The following PEBP4 variants were observed in gnomAD, a reference collection of about 807,000 sequenced individuals.
The protein encoded by PEBP4 is phosphatidylethanolamine binding protein 4, also known as phosphatidylethanolamine-binding protein 4.
In PEBP4, 22 loss-of-function variants were observed where a neutral mutation model predicts 23.9. That is an observed-to-expected ratio of 0.92 (90% CI 0.66 to 1.31). PEBP4 has a LOEUF of 1.31. Ranked by LOEUF, PEBP4 falls within the 40% of genes most tolerant of loss-of-function variation. The probability of loss-of-function intolerance (pLI) is 0.00; values close to 1 mark genes in which losing one functional copy is unlikely to be tolerated. For synonymous variants in PEBP4, 112 were observed against 99.3 expected (o/e 1.13, Z -0.76); for missense variants, 324 against 281.7 (o/e 1.15, Z -1.07).
chr8:22,909,258 G>A (rs765794957), intron 3 of PEBP4, among the ~76,000 whole-genome samples: 11 of 152,164 alleles, frequency 7.2e-5, no homozygotes, highest in East Asian at 1.9e-4. Flanking sequence ...CACCTAAGAC[G>A]TGGGTCCAGG....
upstream of PEBP4, among the ~76,000 whole-genome samples, chr8:22,929,812 G>A (rs941377543): frequency 1.7e-4 from 26 of 152,268 alleles, no homozygotes; most frequent in African/African-American, 6.0e-4. Flanking sequence ...GGCTTCAAGG[G>A]ATTCTCCTGC....
intron 3 of PEBP4, among the ~76,000 whole-genome samples, chr8:22,823,976 C>T (rs1425801751): frequency 5.3e-5 from 8 of 152,050 alleles, no homozygotes; most frequent in Non-Finnish European, 8.8e-5. Context: ...ATGTTTATCT[C>T]GAGTTTTTAA....
At chr8:22,827,294 A>T (rs569916736) in intron 3 of PEBP4, among the ~76,000 whole-genome samples, 45 of 152,288 alleles carry the variant, frequency 3.0e-4, no homozygotes, top group Admixed American at 9.2e-4. Flanking sequence ...AATGATTTTT[A>T]AAAAAATGTA....
At chr8:22,916,130 A>G (rs7015258) in intron 3 of PEBP4, among the ~76,000 whole-genome samples, 84,478 of 152,016 alleles carry the variant, frequency 0.56, 23,971 homozygotes, top group African/African-American at 0.67. Context: ...CAGGGAGAGC[A>G]GGACAGACCG....
At chr8:22,898,431 A>AAAAC (rs1563253603) in intron 3 of PEBP4, among the ~76,000 whole-genome samples, 37 of 123,830 alleles carry the variant, frequency 3.0e-4, no homozygotes, top group African/African-American at 5.9e-4. Context: ...AAAAAAAAAA[A>AAAAC]CCCACCCAGT....
At chr8:22,755,550 G>T (rs1805362943) in intron 4 of PEBP4, among the ~76,000 whole-genome samples, 1 of 151,984 alleles carries the variant, frequency 6.6e-6, no homozygotes, top group African/African-American at 2.4e-5. Context: ...TGGCCAGTCT[G>T]GTCTCAAGCT....
In PEBP4 at chr8:22,775,847, G is replaced by A. The variant is rs1456046082; in HGVS notation, c.357+41790C>T. 6.6e-6 allele frequency among the ~76,000 whole-genome samples: 1 copy of A among 152,126 alleles called. No homozygotes were observed. Among genetic ancestry groups the A allele is most frequent in the Non-Finnish European group, 1.5e-5 (1 of 68,006 alleles). ...AATCTCTGAGTGGGCAGGAAGGATT[G>A]CCCGACTCCTTGGCTCTTGGGGGGG... is the stretch of plus-strand genomic sequence containing the variant. On this transcript the variant is annotated intron_variant, in intron 4 of 6. Transcript: ENST00000256404. This position sits in a 1 kb window ranked among gnomAD's most constrained non-coding sequence, Gnocchi z 4.8.
intron 3 of PEBP4, among the ~76,000 whole-genome samples, chr8:22,840,494 G>A (rs78377985): frequency 2.0e-5 from 3 of 150,254 alleles, no homozygotes; most frequent in Non-Finnish European, 4.4e-5. Flanking sequence ...TTCCTGCCTC[G>A]ACCTCCCAGT....
intron 3 of PEBP4, among the ~76,000 whole-genome samples, chr8:22,823,240 A>G (rs957187336): frequency 3.9e-5 from 6 of 151,978 alleles, no homozygotes; most frequent in Admixed American, 3.9e-4. Flanking sequence ...CAGTGGGGAA[A>G]AAATAGATTA....
At chr8:22,774,017 G>A (rs1805767263) in intron 4 of PEBP4, among the ~76,000 whole-genome samples, 1 of 152,170 alleles carries the variant, frequency 6.6e-6, no homozygotes, top group South Asian at 2.1e-4. Context: ...CAACCTCCGA[G>A]ATACTCAGGT....
intron 3 of PEBP4, among the ~76,000 whole-genome samples, chr8:22,818,542 C>A (rs1806793693): frequency 6.6e-6 from 1 of 152,064 alleles, no homozygotes; most frequent in Non-Finnish European, 1.5e-5. Context: ...GGAGCAGAGG[C>A]CAGGCCACAG....
chr8:22,846,206 C>T (rs908936970), intron 3 of PEBP4, among the ~76,000 whole-genome samples: 1 of 152,176 alleles, frequency 6.6e-6, no homozygotes, highest in African/African-American at 2.4e-5. Flanking sequence ...CTCTCACAGG[C>T]ATCAGGGGAG....
intron 3 of PEBP4, among the ~76,000 whole-genome samples, chr8:22,900,200 T>C (rs2128776614): frequency 6.6e-6 from 1 of 151,984 alleles, no homozygotes; most frequent in South Asian, 2.1e-4. Flanking sequence ...TATCGGGAGG[T>C]CACGAATCCC....
intron 4 of PEBP4, among the ~76,000 whole-genome samples, chr8:22,786,135 A>G (rs529529939): frequency 6.6e-6 from 1 of 152,308 alleles, no homozygotes; most frequent in African/African-American, 2.4e-5. Flanking sequence ...TCCCAGCAAT[A>G]GAAACACTAA....
intron 4 of PEBP4, chr8:22,798,511 C>G (rs1806310707): frequency 6.5e-6 from 1 of 153,400 alleles, no homozygotes; most frequent in African/African-American, 2.4e-5. Context: ...AACTTGCTCA[C>G]CTGCATGCCC....
chr8:22,923,441 A>G (rs965837400), intron 2 of PEBP4, among the ~76,000 whole-genome samples: 1 of 152,130 alleles, frequency 6.6e-6, no homozygotes, highest in African/African-American at 2.4e-5. Context: ...GGTGGTACGC[A>G]TCTGTAGTCC....
chr8:22,797,562 C>T (rs1002274333), intron 4 of PEBP4, among the ~76,000 whole-genome samples: 41 of 152,084 alleles, frequency 2.7e-4, no homozygotes, highest in Admixed American at 1.0e-3. Flanking sequence ...AAAGGATATT[C>T]GGGGAAGGGG....
At chr8:22,907,732 T>C (rs560860969) in intron 3 of PEBP4, among the ~76,000 whole-genome samples, 10 of 152,268 alleles carry the variant, frequency 6.6e-5, no homozygotes, top group Admixed American at 5.9e-4. Flanking sequence ...TGGTCTGACC[T>C]GCAGATGTAA....
At chr8:22,771,844 G>T (rs1805724001) in intron 4 of PEBP4, among the ~76,000 whole-genome samples, 1 of 152,200 alleles carries the variant, frequency 6.6e-6, no homozygotes, top group African/African-American at 2.4e-5. Flanking sequence ...TGTACGAACT[G>T]CCCCTTAATC....
Sources: allele counts gnomAD v4.1 joint callset (sites outside exome capture counted in the v4.1 genomes callset), GRCh38; gene constraint gnomAD v4.1.1; non-coding constraint Gnocchi (gnomAD v3.1); transcripts MANE v1.5; gene names NCBI Gene and HGNC (gene_info 2026-07-23, HGNC 2026-07-21).